Variants in TANGO6 observed in about 807,000 individuals in gnomAD.
TANGO6 encodes the protein transport and golgi organization 6 homolog, also known as transport and Golgi organization protein 6 homolog.
TANGO6 carries 90 observed loss-of-function variants against 114.2 expected under a neutral mutation model. The ratio of observed to expected loss-of-function variants is 0.79; its 90% CI spans 0.66 to 0.94. TANGO6 has a LOEUF of 0.94. Among genes scored for constraint, TANGO6 ranks in the 40% least tolerant of loss-of-function variants. The pLI is 0.00. For missense variants in TANGO6, 1,274 were observed against 1,315.3 expected (o/e 0.97, Z 0.49); for synonymous variants, 477 against 509.8 (o/e 0.94, Z 0.87).
chr16:68,920,794 A>G (rs1963079594), intron 12 of TANGO6, among the ~76,000 whole-genome samples: 1 of 151,840 alleles, frequency 6.6e-6, no homozygotes, highest in Non-Finnish European at 1.5e-5. Flanking sequence ...TATATTTTCC[A>G]TATTGTTTTA....
chr16:69,044,338 T>C (rs1959817588), intron 17 of TANGO6, among the ~76,000 whole-genome samples: 1 of 152,190 alleles, frequency 6.6e-6, no homozygotes, highest in South Asian at 2.1e-4. Context: ...CACTTTGTTA[T>C]TGAAAAACTT....
At chr16:68,887,482 A>C (rs1962554706) in intron 7 of TANGO6, among the ~76,000 whole-genome samples, 1 of 152,240 alleles carries the variant, frequency 6.6e-6, no homozygotes, top group Admixed American at 6.5e-5. Context: ...AACACCAAAA[A>C]ACTACTCAAA....
At chr16:69,047,134 T>C (rs1480337576) in intron 17 of TANGO6, among the ~76,000 whole-genome samples, 4 of 149,628 alleles carry the variant, frequency 2.7e-5, no homozygotes, top group South Asian at 4.2e-4. Context: ...TGAGCCGAGA[T>C]TGTGCAACTG....
At chr16:68,939,263 G>A (rs1178817695) in intron 14 of TANGO6, among the ~76,000 whole-genome samples, 2 of 151,956 alleles carry the variant, frequency 1.3e-5, no homozygotes, top group African/African-American at 2.4e-5. Flanking sequence ...GGTGGCAGGC[G>A]CCTGTAATCC....
intron 1 of TANGO6, among the ~76,000 whole-genome samples, chr16:68,853,334 G>C (rs1018953442): frequency 7.4e-5 from 11 of 149,092 alleles, no homozygotes; most frequent in African/African-American, 2.7e-4. Context: ...GATACACATT[G>C]TTACTTCCAG....
At chr16:69,002,694 G>A (rs142780936) in intron 15 of TANGO6, among the ~76,000 whole-genome samples, 80 of 152,062 alleles carry the variant, frequency 5.3e-4, no homozygotes, top group Middle Eastern at 6.8e-3. Context: ...GGACTAATAC[G>A]TTGGGTATCT....
intron 17 of TANGO6, among the ~76,000 whole-genome samples, chr16:69,044,309 C>G (rs989178389): frequency 6.6e-6 from 1 of 152,222 alleles, no homozygotes; most frequent in Non-Finnish European, 1.5e-5. Context: ...AACTGAGCCA[C>G]TGTGCCTGGC....
intron 15 of TANGO6, among the ~76,000 whole-genome samples, chr16:68,974,430 G>C (rs1963740844): frequency 6.6e-6 from 1 of 152,114 alleles, no homozygotes; most frequent in Non-Finnish European, 1.5e-5. Flanking sequence ...GGGAGGCCGA[G>C]GCAGGTGGAT....
At chr16:68,899,181 G>A (rs2152180562) in intron 7 of TANGO6, among the ~76,000 whole-genome samples, 1 of 152,134 alleles carries the variant, frequency 6.6e-6, no homozygotes, top group South Asian at 2.1e-4. Flanking sequence ...GGCTGAGATG[G>A]GAATATCACT....
chr16:68,899,235 T>A (rs1962751609), intron 7 of TANGO6, among the ~76,000 whole-genome samples: 1 of 152,098 alleles, frequency 6.6e-6, no homozygotes, highest in African/African-American at 2.4e-5. Flanking sequence ...ATTGCACCAC[T>A]GCATTCCAGC....
chr16:69,064,449 T>C (rs1305586716), intron 17 of TANGO6, among the ~76,000 whole-genome samples: 1 of 152,164 alleles, frequency 6.6e-6, no homozygotes, highest in African/African-American at 2.4e-5. Flanking sequence ...ACTGGCATCC[T>C]AAAGGAAGCC....
intron 15 of TANGO6, among the ~76,000 whole-genome samples, chr16:68,993,115 A>T (rs1443704086): frequency 1.3e-5 from 2 of 152,126 alleles, no homozygotes; most frequent in Non-Finnish European, 2.9e-5. Context: ...TTATAATTAG[A>T]TCTCTTTAAA....
In TANGO6 at chr16:68,860,204, A is replaced by G. The variant is rs762609977; in HGVS notation, c.415A>G (p.Ile139Val). 14 of 1,614,030 alleles carry G rather than the reference A, an allele frequency of 8.7e-6. No individual in the cohort carries two copies. The Middle Eastern group carries it at 4.9e-4, about 57-fold the overall frequency. ...TGCCCTGAGCCCCGATGCACTTAGTATCTCACAACAGAAGACTGTCCAGTT... is the reference window on the plus strand; with the variant it reads ...TGCCCTGAGCCCCGATGCACTTAGTGTCTCACAACAGAAGACTGTCCAGTT... The part of the protein sequence containing the change: ...APALSPDALS[I>V]SQQKTVQFVL... Residue 139 changes from isoleucine (I) to valine (V), a missense_variant, in exon 2 of 18, where the codon ATC becomes GTC. By Grantham distance (29) the Ile-to-Val change is conservative. Coordinates refer to ENST00000261778, the MANE Select transcript of TANGO6 (RefSeq NM_024562.2).
chr16:68,880,041 C>T (rs977297033), intron 6 of TANGO6, among the ~76,000 whole-genome samples: 1 of 152,020 alleles, frequency 6.6e-6, no homozygotes, highest in Admixed American at 6.6e-5. Context: ...GGCACAATCT[C>T]GGCTCACTGC....
chr16:68,903,496 G>A (rs942212417), intron 9 of TANGO6, among the ~76,000 whole-genome samples: 2 of 150,348 alleles, frequency 1.3e-5, no homozygotes, highest in African/African-American at 4.9e-5. Flanking sequence ...GTGCATGCCT[G>A]TAGGCCTAGC....
chr16:69,083,523 G>A lies in TANGO6; in HGVS notation c.3147G>A (p.Leu1049=), dbSNP rs1174716580. Residue 1049 remains leucine (L), a synonymous_variant, in exon 18 of 18, where the codon CTG becomes CTA. Coordinates refer to ENST00000261778, the MANE Select transcript of TANGO6 (RefSeq NM_024562.2). Reference sequence around the variant, plus strand: ...TCCTCAAGGATCTCTACCACCTGCTGAAGCACGTAGTGTGTCTGGAGCCCG... The same window carrying A: ...TCCTCAAGGATCTCTACCACCTGCTAAAGCACGTAGTGTGTCTGGAGCCCG... The part of the protein sequence containing the change: ...SAVLKDLYHL[L]KHVVCLEPDD... 3 of 1,612,600 alleles carry A rather than the reference G, an allele frequency of 1.9e-6. No individual in the cohort carries two copies. Among genetic ancestry groups the A allele is most frequent in the Non-Finnish European group, 2.5e-6 (3 of 1,179,342 alleles).
chr16:68,860,862 T>C (rs1390866883), intron 2 of TANGO6, among the ~76,000 whole-genome samples: 1 of 152,176 alleles, frequency 6.6e-6, no homozygotes, highest in Non-Finnish European at 1.5e-5. Flanking sequence ...AAGGATAATG[T>C]GTGTCAAGTA....
chr16:68,979,180 C>T (rs1303630133), intron 15 of TANGO6, among the ~76,000 whole-genome samples: 4 of 151,978 alleles, frequency 2.6e-5, no homozygotes, highest in African/African-American at 9.7e-5. Context: ...CTCCACCTCC[C>T]AGTGTGCTGA....
chr16:68,870,378 T>A (rs1400431366), intron 4 of TANGO6, among the ~76,000 whole-genome samples: 2 of 152,316 alleles, frequency 1.3e-5, no homozygotes, highest in Admixed American at 6.5e-5. Context: ...GTAGATTTGG[T>A]CTAGAGTGGC....
Sources: gnomAD v4.1 joint callset for allele counts (sites outside exome capture counted in the v4.1 genomes callset) on GRCh38, gnomAD v4.1.1 for gene constraint, MANE v1.5 for transcripts, NCBI Gene and HGNC (gene_info 2026-07-23, HGNC 2026-07-21) for gene names.